Variants in LARS1 observed in about 807,000 individuals in gnomAD.
LARS1 encodes the protein leucyl-tRNA synthetase 1.
A neutral mutation model predicts 162.8 loss-of-function variants in LARS1; 100 were observed. That is an observed-to-expected ratio of 0.61 (90% CI 0.52 to 0.73). The LOEUF (loss-of-function observed/expected upper bound fraction) is 0.73. LARS1 is among the 30% of genes least tolerant of loss of function. LARS1 has a pLI of 0.00. For missense variants in LARS1, 1,258 were observed against 1,408.9 expected (o/e 0.89, Z 1.71); for synonymous variants, 457 against 462.8 (o/e 0.99, Z 0.16).
chr5:146,169,059 T>G (rs1350307336), intron 4 of LARS1, among the ~76,000 whole-genome samples: 1 of 151,572 alleles, frequency 6.6e-6, no homozygotes, highest in Non-Finnish European at 1.5e-5. Context: ...GAACTTAAAG[T>G]ATAATAATAA....
chr5:146,168,272 C>T lies in LARS1; in HGVS notation c.295-7G>A, dbSNP rs749814892. 25 of 1,594,432 alleles carry T rather than the reference C, an allele frequency of 1.6e-5. No homozygotes were observed. The highest frequency in any genetic ancestry group is 1.7e-4 in the Middle Eastern group (1 of 6,000). ...TCAACTTATCAGCACATGCCTACAA[C>T]GAATATTAGAGATAATGAAGTTCAA... On this transcript the variant is annotated splice_polypyrimidine_tract_variant and splice_region_variant and intron_variant, in intron 4 of 31. Transcript: ENST00000394434.
chr5:146,151,792 T>C (rs1753301241), intron 14 of LARS1, 70 bp downstream of exon 14: 1 of 1,388,272 alleles, frequency 7.2e-7, no homozygotes, highest in Non-Finnish European at 1.0e-6. Context: ...TTTTTCTACA[T>C]TTTTTCTAAT....
At chr5:146,120,584 A>G (rs1045695035) in intron 30 of LARS1, 81 bp from the exon 31 acceptor site, 1 of 1,337,832 alleles carries the variant, frequency 7.5e-7, no homozygotes, top group East Asian at 2.3e-5. Context: ...TTCAATGCCC[A>G]ATGAAAGACA....
intron 2 of LARS1, among the ~76,000 whole-genome samples, chr5:146,173,685 A>C (rs1173887583): frequency 6.6e-6 from 1 of 151,888 alleles, no homozygotes; most frequent in Non-Finnish European, 1.5e-5. Context: ...ATACTGTGTT[A>C]TGAAGCATAA....
At chr5:146,130,919 T>G (rs989618715) in intron 24 of LARS1, 100 bp downstream of exon 24, 1 of 582,128 alleles carries the variant, frequency 1.7e-6, no homozygotes, top group African/African-American at 1.9e-5. Flanking sequence ...AGTCTACACT[T>G]TAGGCGAGTA....
intron 1 of LARS1, among the ~76,000 whole-genome samples, chr5:146,178,940 C>T (rs1426761995): frequency 6.6e-6 from 1 of 151,624 alleles, no homozygotes; most frequent in African/African-American, 2.4e-5. Flanking sequence ...AAAAGAAAAA[C>T]AATTTTTTTG....
At chr5:146,177,726 T>C (rs1754661764) in intron 1 of LARS1, 61 bp from the exon 2 acceptor site, 13 of 842,070 alleles carry the variant, frequency 1.5e-5, no homozygotes, top group Admixed American at 4.4e-5. Context: ...TAAAAAAGAA[T>C]TGGGTTCACA....
At position 146,165,549 on chromosome 5, in the gene LARS1, A is replaced by G. The variant is rs563847875; in HGVS notation, c.433-1078T>C. On this transcript the variant is annotated intron_variant, in intron 5 of 31. Transcript: ENST00000394434. ...ATGTCTTGAAAAAAACAAAAAAAAA[A>G]GTAAATTTTATGGTATGTAAATTTT... Among the ~76,000 whole-genome samples the G allele has an allele frequency of 4.7e-4, 72 of 152,180 alleles. 1 individual carries two copies. The South Asian group carries it at 0.014, about 30-fold the overall frequency.
At chr5:146,132,768 T>A in intron 23 of LARS1, 130 bp downstream of exon 23, 1 of 688,976 alleles carries the variant, frequency 1.5e-6, no homozygotes. Context: ...AAGCCTTCAA[T>A]GAACACTAGC....
intron 15 of LARS1, among the ~76,000 whole-genome samples, chr5:146,146,170 G>A (rs755990338): frequency 5.3e-5 from 8 of 151,894 alleles, no homozygotes; most frequent in Non-Finnish European, 1.2e-4. Flanking sequence ...GAGAAACCCC[G>A]TCTCTACTAA....
chr5:146,181,848 C>CTTTTTTTTTATTTTTTTTTTTT (rs1754864497), intron 1 of LARS1, among the ~76,000 whole-genome samples: 1 of 53,030 alleles, frequency 1.9e-5, no homozygotes, highest in African/African-American at 7.0e-5. Context: ...TCAATTTTTT[C>CTTTTTTTTTATTTTTTTTTTTT]TTTTTTTTTT....
intron 1 of LARS1, 148 bp downstream of exon 1, chr5:146,182,340 G>C: frequency 9.8e-7 from 1 of 1,018,884 alleles, no homozygotes; most frequent in South Asian, 1.3e-5. Context: ...AAACTAGCAA[G>C]AAAAAGCAAA....
chr5:146,153,782 G>T lies in LARS1; in HGVS notation c.1182C>A (p.Ser394=), dbSNP rs367858308. The T allele has an allele frequency of 1.7e-5, 27 of 1,613,850 alleles. No individual in the cohort carries two copies. The highest frequency in any genetic ancestry group is 2.3e-5 in the Non-Finnish European group (27 of 1,179,958). The change falls in exon 12 of 32, where the codon TCC becomes TCA. Residue 394 remains serine (S), a synonymous_variant. Transcript: ENST00000394434. ...GGGCAGCAATATCATCAGGGGAGTCGGAAGGAACACTTGTAACCACACCAG... is the reference window on the plus strand; with the variant it reads ...GGGCAGCAATATCATCAGGGGAGTCTGAAGGAACACTTGTAACCACACCAG... The part of the protein sequence containing the change: ...KGTGVVTSVP[S]DSPDDIAALR...
At chr5:146,140,913 AT>A (rs1247365207) in intron 20 of LARS1, among the ~76,000 whole-genome samples, 2 of 152,170 alleles carry the variant, frequency 1.3e-5, no homozygotes, top group Non-Finnish European at 2.9e-5. Flanking sequence ...ATACACACAT[AT>A]ACATGTGAAA....
At chr5:146,129,190 A>G (rs1752173068) in intron 25 of LARS1, 72 bp from the exon 26 acceptor site, 1 of 1,305,508 alleles carries the variant, frequency 7.7e-7, no homozygotes. Context: ...GTTCTTGATT[A>G]TAGTTTCATA....
intron 21 of LARS1, among the ~76,000 whole-genome samples, chr5:146,136,253 T>C (rs1339260853): frequency 1.3e-5 from 2 of 152,226 alleles, no homozygotes; most frequent in Non-Finnish European, 2.9e-5. Context: ...TCTATTATAC[T>C]ACATGGCAAT....
At chr5:146,154,516 G>A (rs560772229) in intron 10 of LARS1, among the ~76,000 whole-genome samples, 7 of 152,326 alleles carry the variant, frequency 4.6e-5, no homozygotes, top group African/African-American at 1.4e-4. Context: ...GGTGGCTAAC[G>A]CCTGTAAACC....
In LARS1 at chr5:146,172,709, G is replaced by A. The variant is rs370188134; in HGVS notation, c.191C>T (p.Thr64Met). ...YMNGRLHLGHTFSLSKCEFAV... is the reference protein window; with the variant it reads ...YMNGRLHLGHMFSLSKCEFAV... ...TACCTCACATTTGGATAAAGAAAACGTGTGTCCCAAATGAAGGCGTCCATT... is the reference window on the plus strand; with the variant it reads ...TACCTCACATTTGGATAAAGAAAACATGTGTCCCAAATGAAGGCGTCCATT... Residue 64 changes from threonine (T) to methionine (M), a missense_variant, in exon 3 of 32, where the codon ACG becomes ATG. Physicochemically the swap from Thr to Met is moderately conservative, Grantham distance 81. Coordinates refer to ENST00000394434, the MANE Select transcript of LARS1 (RefSeq NM_020117.11). 264 of 1,580,474 alleles carry A rather than the reference G, an allele frequency of 1.7e-4. No individual in the cohort carries two copies. The highest frequency in any genetic ancestry group is 2.1e-4 in the Non-Finnish European group (247 of 1,163,660).
intron 21 of LARS1, 79 bp downstream of exon 21, chr5:146,140,125 A>T: frequency 8.9e-7 from 1 of 1,117,928 alleles, no homozygotes; most frequent in Non-Finnish European, 1.4e-6. Flanking sequence ...TCTTACATAC[A>T]TTTAAAAAAA....
Sources: allele counts gnomAD v4.1 joint callset (sites outside exome capture counted in the v4.1 genomes callset), GRCh38; gene constraint gnomAD v4.1.1; transcripts MANE v1.5; gene names NCBI Gene and HGNC (gene_info 2026-07-23, HGNC 2026-07-21).